The following ELMO1 variants were observed in gnomAD, a reference collection of about 807,000 sequenced individuals.
ELMO1 encodes the protein engulfment and cell motility protein 1.
Under a neutral mutation model 98.9 loss-of-function variants are expected in ELMO1, and 26 were observed. That is an observed-to-expected ratio of 0.26 (90% CI 0.19 to 0.36). The LOEUF (loss-of-function observed/expected upper bound fraction) is 0.36. ELMO1 is among the 10% of genes least tolerant of loss of function. ELMO1 has a pLI of 1.00. For synonymous variants in ELMO1, 346 were observed against 346.0 expected (o/e 1.00, Z 0.00); for missense variants, 627 against 935.2 (o/e 0.67, Z 4.30).
At chr7:37,294,983 C>T (rs1001712376) in intron 4 of ELMO1, among the ~76,000 whole-genome samples, 9 of 139,950 alleles carry the variant, frequency 6.4e-5, no homozygotes, top group African/African-American at 2.4e-4. Flanking sequence ...TGGGCAACAA[C>T]AACAAAACTC....
chr7:36,913,217 T>C (rs1784456603), intron 16 of ELMO1, among the ~76,000 whole-genome samples: 1 of 152,208 alleles, frequency 6.6e-6, no homozygotes, highest in African/African-American at 2.4e-5. Context: ...AAACCTAGTA[T>C]GTGGCAAGTA....
intron 17 of ELMO1, 105 bp from the exon 18 acceptor site, chr7:36,887,777 A>G: frequency 1.1e-6 from 1 of 940,184 alleles, no homozygotes. Flanking sequence ...GCATCTTTTC[A>G]TGAGCATCTA....
At chr7:36,938,065 T>G (rs557383188) in intron 16 of ELMO1, among the ~76,000 whole-genome samples, 1 of 152,304 alleles carries the variant, frequency 6.6e-6, no homozygotes, top group African/African-American at 2.4e-5. Flanking sequence ...ACATCCTCCA[T>G]CCTTTTTCTA....
intron 1 of ELMO1, among the ~76,000 whole-genome samples, chr7:37,355,813 A>T (rs1387172434): frequency 6.6e-6 from 1 of 152,240 alleles, no homozygotes; most frequent in Non-Finnish European, 1.5e-5. Context: ...AATGGATGTC[A>T]TCTTGAGTTA....
intron 5 of ELMO1, among the ~76,000 whole-genome samples, chr7:37,268,657 G>C (rs1431800714): frequency 6.6e-6 from 1 of 152,176 alleles, no homozygotes; most frequent in African/African-American, 2.4e-5. Flanking sequence ...AGATACGCTT[G>C]TTTAACACGG....
At chr7:37,425,652 A>AT (rs1804666821) in intron 1 of ELMO1, among the ~76,000 whole-genome samples, 1 of 152,256 alleles carries the variant, frequency 6.6e-6, no homozygotes, top group Non-Finnish European at 1.5e-5. Flanking sequence ...CAAACGTCAG[A>AT]TTTCCCATGT....
At chr7:36,965,879 G>A (rs1789384940) in intron 16 of ELMO1, among the ~76,000 whole-genome samples, 1 of 152,084 alleles carries the variant, frequency 6.6e-6, no homozygotes, top group African/African-American at 2.4e-5. Flanking sequence ...CTCACATAAG[G>A]ATATATATGT....
chr7:37,437,030 G>T (rs1805180128), intron 1 of ELMO1, among the ~76,000 whole-genome samples: 1 of 152,164 alleles, frequency 6.6e-6, no homozygotes, highest in Admixed American at 6.5e-5. Context: ...TCCCCTACTT[G>T]GTGGAAGGTT....
At chr7:37,261,038 A>G (rs1448616132) in intron 5 of ELMO1, among the ~76,000 whole-genome samples, 1 of 152,260 alleles carries the variant, frequency 6.6e-6, no homozygotes, top group Non-Finnish European at 1.5e-5. Context: ...TTTACTATAT[A>G]GGTTATGACA....
chr7:37,430,481 A>G (rs1179620666), intron 1 of ELMO1, among the ~76,000 whole-genome samples: 1 of 152,218 alleles, frequency 6.6e-6, no homozygotes, highest in East Asian at 1.9e-4. Context: ...GACAGACCTT[A>G]TTTTCTCTGA....
At chr7:37,158,162 G>T (rs1362822583) in intron 13 of ELMO1, among the ~76,000 whole-genome samples, 3 of 152,056 alleles carry the variant, frequency 2.0e-5, no homozygotes, top group African/African-American at 7.2e-5. Context: ...AACTCAAGAT[G>T]GATTAAAGAC....
At chr7:37,138,029 T>C (rs1040651799) in intron 13 of ELMO1, among the ~76,000 whole-genome samples, 1 of 152,166 alleles carries the variant, frequency 6.6e-6, no homozygotes, top group Non-Finnish European at 1.5e-5. Context: ...ATATTTGAAC[T>C]GAATGATAAT....
At chr7:37,159,160 G>C (rs1253765646) in intron 13 of ELMO1, among the ~76,000 whole-genome samples, 2 of 152,150 alleles carry the variant, frequency 1.3e-5, no homozygotes, top group South Asian at 2.1e-4. Flanking sequence ...TCGTGGGTAG[G>C]GGGGCTGGCG....
Position 37,230,511 on chromosome 7 carries a change from T to C in ELMO1, c.549+2584A>G, listed in dbSNP as rs1794113163. On this transcript the variant is annotated intron_variant, in intron 8 of 21. Coordinates refer to ENST00000310758, the MANE Select transcript of ELMO1 (RefSeq NM_014800.11). ...ACTCACTATGTGACCTCATTCAACC[T>C]CGGCAAGCCACTGCATCCCTGCCTC... 4.6e-5 allele frequency among the ~76,000 whole-genome samples: 7 copies of C among 152,250 alleles called. No homozygotes were observed. The South Asian group carries it at 1.5e-3, about 32-fold the overall frequency.
At chr7:36,979,800 T>G (rs959991071) in intron 16 of ELMO1, among the ~76,000 whole-genome samples, 1 of 152,218 alleles carries the variant, frequency 6.6e-6, no homozygotes, top group Non-Finnish European at 1.5e-5. Flanking sequence ...GTGGCCTAGA[T>G]GACTCTAGTT....
intron 18 of ELMO1, among the ~76,000 whole-genome samples, chr7:36,884,445 GC>G (rs1471370162): frequency 1.3e-5 from 2 of 152,050 alleles, no homozygotes; most frequent in Non-Finnish European, 2.9e-5. Flanking sequence ...ACCCCTTATG[GC>G]TATTTGATAG....
chr7:37,116,595 G>A (rs1330447712), intron 14 of ELMO1, among the ~76,000 whole-genome samples: 1 of 151,542 alleles, frequency 6.6e-6, no homozygotes, highest in Non-Finnish European at 1.5e-5. Context: ...ACTACATATA[G>A]TTCACTATAC....
chr7:36,897,336 G>GTGTGTATGTGTGTGTGTGTGTA (rs1554351189), intron 16 of ELMO1, among the ~76,000 whole-genome samples: 5 of 148,212 alleles, frequency 3.4e-5, no homozygotes, highest in Non-Finnish European at 6.0e-5. Context: ...GTGTGTGTGT[G>GTGTGTATGTGTGTGTGTGTGTA]TGTGTGTGTG....
Position 37,271,812 on chromosome 7 carries a change from A to C in ELMO1, c.243+20T>G, listed in dbSNP as rs1201672128. ...CAGAGCAAAGAGTTTGCTGGAAGTC[A>C]GAAGCTAAGATCAACTTACTGGAGA... is the stretch of plus-strand genomic sequence containing the variant. On this transcript the variant is annotated intron_variant, in intron 5 of 21. Transcript: ENST00000310758. 2.5e-6 allele frequency: 4 copies of C among 1,612,524 alleles called. No individual in the cohort carries two copies. In the Admixed American group the frequency reaches 6.7e-5, roughly 27 times the overall value.
Sources: gnomAD v4.1 joint callset for allele counts (sites outside exome capture counted in the v4.1 genomes callset) on GRCh38, gnomAD v4.1.1 for gene constraint, MANE v1.5 for transcripts, NCBI Gene and HGNC (gene_info 2026-07-23, HGNC 2026-07-21) for gene names.